The following SLC2A2 variants were observed in gnomAD, a reference collection of about 807,000 sequenced individuals.
SLC2A2 encodes solute carrier family 2, facilitated glucose transporter member 2.
In SLC2A2, 36 loss-of-function variants were observed where a neutral mutation model predicts 54.5. The ratio of observed to expected loss-of-function variants is 0.66; its 90% CI spans 0.51 to 0.87. The LOEUF (loss-of-function observed/expected upper bound fraction) is 0.87, where lower values mean the gene tolerates loss of function less well. Ranked by LOEUF, SLC2A2 falls within the 40% of genes least tolerant of loss-of-function variation. SLC2A2 has a pLI of 0.00. For missense variants in SLC2A2, 543 were observed against 624.3 expected (o/e 0.87, Z 1.39); for synonymous variants, 223 against 219.1 (o/e 1.02, Z -0.16).
chr3:171,000,169 A>G (rs1715279415), intron 8 of SLC2A2, among the ~76,000 whole-genome samples: 1 of 152,124 alleles, frequency 6.6e-6, no homozygotes, highest in African/African-American at 2.4e-5. Context: ...TGTTTCTCAG[A>G]GGCACACTCA....
chr3:171,011,655 T>G (rs1375148769), intron 3 of SLC2A2, among the ~76,000 whole-genome samples: 1 of 152,178 alleles, frequency 6.6e-6, no homozygotes, highest in East Asian at 1.9e-4. Flanking sequence ...CAGAGTGATT[T>G]AGAGCTGGCT....
At chr3:171,018,055 A>T (rs947079623) in intron 2 of SLC2A2, among the ~76,000 whole-genome samples, 18 of 152,136 alleles carry the variant, frequency 1.2e-4, no homozygotes, top group Non-Finnish European at 1.0e-4. Context: ...GGAAATGGGC[A>T]TAATAAGGTT....
chr3:171,011,228 T>G (rs529064665), intron 3 of SLC2A2, among the ~76,000 whole-genome samples: 1 of 152,232 alleles, frequency 6.6e-6, no homozygotes, highest in East Asian at 1.9e-4. Flanking sequence ...TTACGTCACA[T>G]AGCAAATGAG....
At chr3:171,020,206 C>CA (rs1716390419) in intron 1 of SLC2A2, among the ~76,000 whole-genome samples, 1 of 152,214 alleles carries the variant, frequency 6.6e-6, no homozygotes, top group African/African-American at 2.4e-5. Flanking sequence ...CAGAACCCTT[C>CA]ATTACCCTGA....
chr3:171,011,659 G>T (rs1172347450), intron 3 of SLC2A2, among the ~76,000 whole-genome samples: 1 of 152,146 alleles, frequency 6.6e-6, no homozygotes, highest in East Asian at 1.9e-4. Flanking sequence ...GTGATTTAGA[G>T]CTGGCTAGCC....
At chr3:171,022,824 T>G (rs1315259843) in intron 1 of SLC2A2, among the ~76,000 whole-genome samples, 1 of 152,214 alleles carries the variant, frequency 6.6e-6, no homozygotes, top group Non-Finnish European at 1.5e-5. Flanking sequence ...CTGCAGCACA[T>G]GTACTCCCCT....
chr3:171,017,639 C>A (rs553442940), intron 2 of SLC2A2, among the ~76,000 whole-genome samples: 3 of 152,154 alleles, frequency 2.0e-5, no homozygotes, highest in African/African-American at 7.2e-5. Flanking sequence ...TTATTGAGTA[C>A]CTTCTTTATG....
intron 2 of SLC2A2, among the ~76,000 whole-genome samples, chr3:171,016,238 C>T (rs373191828): frequency 1.3e-5 from 2 of 152,168 alleles, no homozygotes; most frequent in Non-Finnish European, 1.5e-5. Context: ...AGTTCAAGAC[C>T]AGCCTGGCCA....
chr3:171,026,421 G>T (rs1348615110), intron 1 of SLC2A2, among the ~76,000 whole-genome samples: 1 of 120,132 alleles, frequency 8.3e-6, no homozygotes. Flanking sequence ...TTAGTAATAT[G>T]GTTATGCACA....
chr3:171,017,317 C>G (rs549663273), intron 2 of SLC2A2, among the ~76,000 whole-genome samples: 2 of 152,290 alleles, frequency 1.3e-5, no homozygotes, highest in Non-Finnish European at 2.9e-5. Context: ...AAAGATATGA[C>G]CCTTGTCTCT....
chr3:171,017,886 G>A (rs748705327), intron 2 of SLC2A2, among the ~76,000 whole-genome samples: 1 of 152,180 alleles, frequency 6.6e-6, no homozygotes, highest in Non-Finnish European at 1.5e-5. Flanking sequence ...TTCACCCAAG[G>A]AGTCATCGTG....
chr3:171,008,085 G>A (rs143849166), intron 4 of SLC2A2, among the ~76,000 whole-genome samples: 1 of 152,046 alleles, frequency 6.6e-6, no homozygotes, highest in Non-Finnish European at 1.5e-5. Context: ...GACAGGCAAG[G>A]CTGAATTAAA....
chr3:170,999,249 G>C, intron 8 of SLC2A2, 83 bp from the exon 9 acceptor site: 1 of 914,736 alleles, frequency 1.1e-6, no homozygotes, highest in Non-Finnish European at 1.8e-6. Context: ...TACTGCCAAA[G>C]AGGTCATTTT....
rs1277652381 is a variant in SLC2A2 at position 171,006,246 on chromosome 3, T to C, written c.613-141A>G. 3.1e-5 allele frequency: 21 copies of C among 676,932 alleles called. No individual in the cohort carries two copies. The East Asian group carries it at 4.7e-4, about 15-fold the overall frequency. The allele number at this position is 676,932 out of a possible 1,614,324, so 41.9% of individuals were successfully genotyped here. On this transcript the variant is annotated intron_variant, in intron 5 of 10. Coordinates refer to ENST00000314251, the MANE Select transcript of SLC2A2 (RefSeq NM_000340.2). ...CAAGTAAAAACGGAAACTGTTACTA[T>C]TGTATCTCACTTTAACTAAATTAGG... is the stretch of plus-strand genomic sequence containing the variant.
chr3:171,006,996 T>G, intron 5 of SLC2A2, 152 bp downstream of exon 5: 1 of 675,120 alleles, frequency 1.5e-6, no homozygotes, highest in East Asian at 2.7e-5. Flanking sequence ...TTGGCTTTTC[T>G]CTCTGTGCTG....
At position 171,007,468 on chromosome 3, in the gene SLC2A2, T is replaced by C. The variant is rs1336215851; in HGVS notation, c.497-205A>G. On this transcript the variant is annotated intron_variant, in intron 4 of 10. Coordinates refer to ENST00000314251, the MANE Select transcript of SLC2A2 (RefSeq NM_000340.2). The stretch of plus-strand genomic sequence containing the variant: ...ATGCAGTTGTAGTTGGAAACATGAA[T>C]AGAAAGAAATGCTTAGTCATGTATT... 5.3e-6 allele frequency: 3 copies of C among 571,270 alleles called. No homozygotes were observed. In the Admixed American group the frequency reaches 8.6e-5, roughly 16 times the overall value. The allele number at this position is 571,270 out of a possible 1,614,324, so 35.4% of individuals were successfully genotyped here.
intron 2 of SLC2A2, 86 bp downstream of exon 2, chr3:171,018,445 A>T (rs1716257297): frequency 2.7e-5 from 26 of 951,846 alleles, no homozygotes; most frequent in Non-Finnish European, 4.1e-5. Context: ...CCACGTGGAC[A>T]CCCTTTATCT....
chr3:171,025,483 A>G (rs1490662558), intron 1 of SLC2A2, among the ~76,000 whole-genome samples: 1 of 152,118 alleles, frequency 6.6e-6, no homozygotes, highest in Non-Finnish European at 1.5e-5. Context: ...AATATCCCAT[A>G]TTATATCACT....
intron 1 of SLC2A2, among the ~76,000 whole-genome samples, chr3:171,019,075 GTATATATATA>G (rs201104047): frequency 7.4e-6 from 1 of 134,462 alleles, no homozygotes; most frequent in African/African-American, 2.9e-5. Flanking sequence ...GTGTGTGTGT[GTATATATATA>G]TGTGTGTGTG....
Sources: gnomAD v4.1 joint callset for allele counts (sites outside exome capture counted in the v4.1 genomes callset) on GRCh38, gnomAD v4.1.1 for gene constraint, MANE v1.5 for transcripts, NCBI Gene and HGNC (gene_info 2026-07-23, HGNC 2026-07-21) for gene names.